Variants in SLC36A2 observed in about 807,000 individuals in gnomAD.
SLC36A2 encodes proton-coupled amino acid transporter 2.
In SLC36A2, 39 loss-of-function variants were observed where a neutral mutation model predicts 42.7. The observed-to-expected ratio is 0.91, with a 90% CI of 0.71 to 1.19. The LOEUF (loss-of-function observed/expected upper bound fraction) is 1.19, where lower values mean the gene tolerates loss of function less well. SLC36A2 is among the 50% of genes most tolerant of loss of function. The probability of loss-of-function intolerance (pLI) is 0.00; values close to 1 mark genes in which losing one functional copy is unlikely to be tolerated. For synonymous variants in SLC36A2, 237 were observed against 240.8 expected, an observed-to-expected ratio of 0.98 and a Z score of 0.15; for missense variants, 590 against 613.7, an observed-to-expected ratio of 0.96 and a Z score of 0.41.
chr5:151,318,231 C>T (rs1044948578), intron 9 of SLC36A2, among the ~76,000 whole-genome samples: 1 of 151,888 alleles, frequency 6.6e-6, no homozygotes, highest in Non-Finnish European at 1.5e-5. Flanking sequence ...TGGATCCTTA[C>T]ATATCCAACA....
At chr5:151,326,399 G>A (rs982306120) in intron 7 of SLC36A2, among the ~76,000 whole-genome samples, 10 of 151,712 alleles carry the variant, frequency 6.6e-5, no homozygotes, top group African/African-American at 1.9e-4. Flanking sequence ...GACTCCCTCC[G>A]CCAACCCCAT....
intron 5 of SLC36A2, 143 bp from the exon 6 acceptor site, chr5:151,335,690 G>T: frequency 1.4e-6 from 1 of 714,710 alleles, no homozygotes; most frequent in Non-Finnish European, 2.5e-6. Context: ...GAGTTAGGGT[G>T]AATGTAGAAC....
chr5:151,345,998 A>C (rs1756481897), intron 1 of SLC36A2, among the ~76,000 whole-genome samples: 1 of 152,172 alleles, frequency 6.6e-6, no homozygotes, highest in Non-Finnish European at 1.5e-5. Flanking sequence ...GCTAAGTGGG[A>C]ATTCGAGTCT....
At chr5:151,334,041 T>C (rs1756076431) in intron 6 of SLC36A2, among the ~76,000 whole-genome samples, 1 of 152,086 alleles carries the variant, frequency 6.6e-6, no homozygotes, top group African/African-American at 2.4e-5. Flanking sequence ...GAGCTGTAAA[T>C]TGAAGGGGAG....
At chr5:151,326,700 G>GGC (rs1755861307) in intron 7 of SLC36A2, among the ~76,000 whole-genome samples, 1 of 151,460 alleles carries the variant, frequency 6.6e-6, no homozygotes, top group Admixed American at 6.6e-5. Flanking sequence ...TTGTCCTGGA[G>GGC]ACCACCCCCA....
chr5:151,340,522 C>T (rs564367235), intron 4 of SLC36A2, among the ~76,000 whole-genome samples: 1 of 152,144 alleles, frequency 6.6e-6, no homozygotes, highest in South Asian at 2.1e-4. Context: ...CAGTGTTCAA[C>T]CCTGGAGAAC....
rs750703454 is a variant in SLC36A2 at position 151,316,857 on chromosome 5, T to A, written c.1412A>T (p.Asp471Val). 1 of 1,608,322 alleles carries A rather than the reference T, an allele frequency of 6.2e-7. No homozygotes were observed. Residue 471 changes from aspartate to valine, a missense_variant, in exon 10 of 10, where the codon GAC becomes GTC. By Grantham distance (152) the Asp-to-Val change is radical. Coordinates refer to ENST00000335244, the MANE Select transcript of SLC36A2 (RefSeq NM_181776.3). ...GGTGGAGTTGGAAAAGGGGTGAGAGTCTTCTGACTTGAGCAGCTCGTCCAG... is the reference window on the plus strand; with the variant it reads ...GGTGGAGTTGGAAAAGGGGTGAGAGACTTCTGACTTGAGCAGCTCGTCCAG... Reference protein sequence around the residue: ...QALDELLKSEDSHPFSNSTTF... With the variant: ...QALDELLKSEVSHPFSNSTTF...
chr5:151,347,141 GC>G (rs1756518000), intron 1 of SLC36A2, among the ~76,000 whole-genome samples, 155 bp downstream of exon 1: 1 of 152,144 alleles, frequency 6.6e-6, no homozygotes, highest in Non-Finnish European at 1.5e-5. Context: ...CTTTACTTCT[GC>G]CTCAGCTTGA....
Position 151,339,140 on chromosome 5 carries a change from T to C in SLC36A2, c.445A>G (p.Ile149Val). ...LQNHAHWGRH[I>V]VSFFLIITQL... ...GTGATAATAAGGAAGAAGCTCACGA[T>C]ATGCCTAGAAGGGAGAAGAGAGGGA... The change falls in exon 5 of 10, where the codon ATC becomes GTC. Residue 149 changes from isoleucine to valine, a missense_variant. Transcript: ENST00000335244. 6.2e-7 allele frequency: 1 copy of C among 1,606,714 alleles called. No homozygotes were observed. The highest frequency in any genetic ancestry group is 8.5e-7 in the Non-Finnish European group (1 of 1,174,890).
intron 7 of SLC36A2, among the ~76,000 whole-genome samples, chr5:151,332,146 C>A (rs756567902): frequency 1.1e-4 from 16 of 151,910 alleles, no homozygotes; most frequent in African/African-American, 3.9e-4. Context: ...AGATTACCGA[C>A]GTGAACCACC....
At chr5:151,318,591 T>A (rs1755588158) in intron 9 of SLC36A2, among the ~76,000 whole-genome samples, 1 of 146,126 alleles carries the variant, frequency 6.8e-6, no homozygotes, top group African/African-American at 2.5e-5. Flanking sequence ...TTTATATATA[T>A]AAAAATATAA....
intron 4 of SLC36A2, among the ~76,000 whole-genome samples, chr5:151,342,097 G>A (rs1158811043): frequency 6.6e-6 from 1 of 152,156 alleles, no homozygotes; most frequent in Non-Finnish European, 1.5e-5. Flanking sequence ...ATACAAATAT[G>A]ATGACTTTCC....
At chr5:151,341,183 C>T (rs1756334039) in intron 4 of SLC36A2, among the ~76,000 whole-genome samples, 1 of 152,102 alleles carries the variant, frequency 6.6e-6, no homozygotes, top group Admixed American at 6.5e-5. Context: ...GAAAGAAGAT[C>T]CCTAAATGGA....
intron 7 of SLC36A2, among the ~76,000 whole-genome samples, chr5:151,329,352 A>G (rs1315048388): frequency 6.6e-6 from 1 of 152,252 alleles, no homozygotes. Context: ...AAAAATCAGC[A>G]TTCTGAAGAG....
At chr5:151,317,893 A>G (rs1755549910) in intron 9 of SLC36A2, among the ~76,000 whole-genome samples, 1 of 152,198 alleles carries the variant, frequency 6.6e-6, no homozygotes, top group Non-Finnish European at 1.5e-5. Context: ...TAAGCTCCAG[A>G]GCCTTGAGAA....
intron 3 of SLC36A2, 28 bp from the exon 4 acceptor site, chr5:151,343,011 C>G: frequency 1.3e-6 from 2 of 1,580,462 alleles, no homozygotes; most frequent in Non-Finnish European, 1.7e-6. Context: ...TAAACGGTTT[C>G]CAAGAGATAG....
Position 151,335,515 on chromosome 5 carries a change from G to A in SLC36A2, c.558C>T (p.Asn186=), listed in dbSNP as rs1237573530. 1.9e-6 allele frequency: 3 copies of A among 1,614,054 alleles called. No homozygotes were observed. The highest frequency in any genetic ancestry group is 2.5e-6 in the Non-Finnish European group (3 of 1,179,926). ...GAATCACCGTCTCATTGGAATAGCA[G>A]TTGTTGGTTGTGCTATTAACAGCTT... ...VVEAVNSTTN[N]CYSNETVILT... The change falls in exon 6 of 10, where the codon AAC becomes AAT. Residue 186 remains asparagine (N), a synonymous_variant. Coordinates refer to ENST00000335244, the MANE Select transcript of SLC36A2 (RefSeq NM_181776.3).
chr5:151,335,678 G>A, intron 5 of SLC36A2, 131 bp from the exon 6 acceptor site: 1 of 733,468 alleles, frequency 1.4e-6, no homozygotes, highest in South Asian at 1.5e-5. Flanking sequence ...AAATCTCACG[G>A]TGAGTTAGGG....
intron 4 of SLC36A2, among the ~76,000 whole-genome samples, chr5:151,342,249 A>G (rs895828970): frequency 5.9e-5 from 9 of 152,106 alleles, no homozygotes; most frequent in African/African-American, 2.2e-4. Flanking sequence ...TCTGCCCTCA[A>G]GCTACCTGGT....
Sources: gnomAD v4.1 joint callset for allele counts (sites outside exome capture counted in the v4.1 genomes callset) on GRCh38, gnomAD v4.1.1 for gene constraint, MANE v1.5 for transcripts, NCBI Gene and HGNC (gene_info 2026-07-23, HGNC 2026-07-21) for gene names.